ANAPC1: variants seen among roughly 807,000 people sequenced by gnomAD.
ANAPC1 encodes the protein anaphase-promoting complex subunit 1.
ANAPC1 carries 36 observed loss-of-function variants against 208.0 expected under a neutral mutation model. The observed-to-expected ratio is 0.17, with a 90% CI of 0.13 to 0.23. The LOEUF (loss-of-function observed/expected upper bound fraction) is 0.23, where lower values mean the gene tolerates loss of function less well. ANAPC1 is among the 10% of genes least tolerant of loss of function. The probability of loss-of-function intolerance (pLI) is 1.00; values close to 1 mark genes in which losing one functional copy is unlikely to be tolerated. For missense variants in ANAPC1, 942 were observed against 2,011.6 expected, an observed-to-expected ratio of 0.47 and a Z score of 10.17; for synonymous variants, 378 against 695.2, an observed-to-expected ratio of 0.54 and a Z score of 7.18.
At chr2:111,791,336 G>C (rs1385016778) in intron 38 of ANAPC1, among the ~76,000 whole-genome samples, 4 of 149,940 alleles carry the variant, frequency 2.7e-5, no homozygotes, top group African/African-American at 9.9e-5. Context: ...CTGCCCATGA[G>C]TATGTAAAAT....
chr2:111,843,473 A>T lies in ANAPC1; in HGVS notation c.1979T>A (p.Phe660Tyr). 1.2e-6 allele frequency: 2 copies of T among 1,612,026 alleles called. No individual in the cohort carries two copies. Among genetic ancestry groups the T allele is most frequent in the Non-Finnish European group, 1.7e-6 (2 of 1,179,858 alleles). Residue 660 changes from phenylalanine to tyrosine, a missense_variant, in exon 17 of 48, where the codon TTT (phenylalanine) becomes TAT (tyrosine). Physicochemically the swap from Phe to Tyr is conservative, Grantham distance 22. Transcript: ENST00000341068. ...CATCATGTTCATGAGACAAGTCACA[A>T]ATAAATTCCACTCTGAGTGATAACT... The part of the protein sequence containing the change: ...GPSYHSEWNL[F>Y]VTCLMNMMGY...
At chr2:111,830,886 C>G (rs1680092547) in intron 21 of ANAPC1, among the ~76,000 whole-genome samples, 2 of 152,162 alleles carry the variant, frequency 1.3e-5, no homozygotes, top group Admixed American at 6.5e-5. Flanking sequence ...AATCCTACTC[C>G]CAGGTACCTG....
At chr2:111,854,519 C>T (rs998409438) in intron 13 of ANAPC1, among the ~76,000 whole-genome samples, 1 of 152,180 alleles carries the variant, frequency 6.6e-6, no homozygotes, top group African/African-American at 2.4e-5. Flanking sequence ...TTATGAAAGT[C>T]CTAGATGGCA....
At chr2:111,853,818 G>A (rs193061633) in intron 13 of ANAPC1, among the ~76,000 whole-genome samples, 15 of 152,044 alleles carry the variant, frequency 9.9e-5, no homozygotes, top group African/African-American at 2.7e-4. Flanking sequence ...CTGGGTTCAC[G>A]CCAGTCTCCT....
chr2:111,791,575 C>T (rs1677876332), intron 38 of ANAPC1, among the ~76,000 whole-genome samples: 1 of 152,094 alleles, frequency 6.6e-6, no homozygotes, highest in Non-Finnish European at 1.5e-5. Context: ...TAATACAACA[C>T]TGAAACTTGA....
chr2:111,874,101 G>A (rs1283493955), intron 3 of ANAPC1, among the ~76,000 whole-genome samples: 6 of 152,020 alleles, frequency 3.9e-5, no homozygotes, highest in East Asian at 3.8e-4. Context: ...TCTCTAGACT[G>A]ACTTTTGAAA....
At chr2:111,804,223 GCT>G (rs1365409029) in intron 30 of ANAPC1, among the ~76,000 whole-genome samples, 1 of 124,716 alleles carries the variant, frequency 8.0e-6, no homozygotes, top group Non-Finnish European at 1.7e-5. Flanking sequence ...TTAAATGCAT[GCT>G]CTGTGTCAGG....
chr2:111,839,814 G>A (rs1680664149), intron 17 of ANAPC1, among the ~76,000 whole-genome samples: 1 of 152,118 alleles, frequency 6.6e-6, no homozygotes, highest in Admixed American at 6.6e-5. Context: ...AAGGCCTGGA[G>A]TTATGAGAAA....
chr2:111,835,846 A>G (rs1680438784), intron 18 of ANAPC1, among the ~76,000 whole-genome samples: 1 of 152,080 alleles, frequency 6.6e-6, no homozygotes, highest in African/African-American at 2.4e-5. Flanking sequence ...CATCTCAAAA[A>G]TAAAATAAAA....
chr2:111,828,710 G>C (rs1000237420), intron 21 of ANAPC1, among the ~76,000 whole-genome samples: 2 of 152,152 alleles, frequency 1.3e-5, no homozygotes, highest in Non-Finnish European at 2.9e-5. Flanking sequence ...GATAAATATT[G>C]CTTGATTCCC....
intron 16 of ANAPC1, among the ~76,000 whole-genome samples, chr2:111,843,969 G>A (rs1558713223): frequency 2.0e-5 from 3 of 151,700 alleles, no homozygotes; most frequent in South Asian, 4.2e-4. Context: ...GATTACAGGC[G>A]TCTGCCACTG....
chr2:111,810,684 A>C (rs951989360), intron 28 of ANAPC1, among the ~76,000 whole-genome samples: 1 of 147,230 alleles, frequency 6.8e-6, no homozygotes, highest in African/African-American at 2.5e-5. Flanking sequence ...GGAGTTCAAG[A>C]CCAGCCTGGC....
chr2:111,769,676 T>TGAGATCTC (rs67762620), intron 47 of ANAPC1, among the ~76,000 whole-genome samples: 1 of 792 alleles, frequency 1.3e-3, no homozygotes. Context: ...ACCTACTGGC[T>TGAGATCTC]TTCTTTTTTT....
At chr2:111,824,799 G>A (rs1573399586) in intron 24 of ANAPC1, among the ~76,000 whole-genome samples, 167 bp downstream of exon 24, 1 of 152,162 alleles carries the variant, frequency 6.6e-6, no homozygotes, top group Admixed American at 6.5e-5. Flanking sequence ...ATTATTATAT[G>A]AAAGTTGTGA....
In ANAPC1 at chr2:111,847,893, A is replaced by G. The variant is rs371842612; in HGVS notation, c.1651-28T>C. On this transcript the variant is annotated intron_variant, in intron 14 of 47. Transcript: ENST00000341068. ...GTAAAAAGTTGTAAATACGATACAAATGAATTGTTTTCTGAGAAATTAAGG... is the reference window on the plus strand; with the variant it reads ...GTAAAAAGTTGTAAATACGATACAAGTGAATTGTTTTCTGAGAAATTAAGG... 7.8e-5 allele frequency: 118 copies of G among 1,519,622 alleles called. 1 individual carries two copies. Among genetic ancestry groups the G allele is most frequent in the South Asian group, 3.3e-4 (25 of 76,900 alleles). The allele number at this position is 1,519,622 out of a possible 1,614,324, so 94.1% of individuals were successfully genotyped here. A position where few individuals can be genotyped will look rare whatever the true frequency, so the allele number is the denominator to read the frequency against.
intron 16 of ANAPC1, among the ~76,000 whole-genome samples, chr2:111,844,937 C>T (rs1573447559): frequency 6.6e-6 from 1 of 152,238 alleles, no homozygotes; most frequent in Non-Finnish European, 1.5e-5. Flanking sequence ...CCTCCAACTC[C>T]TGGACTCAAG....
intron 46 of ANAPC1, among the ~76,000 whole-genome samples, chr2:111,775,929 C>T (rs1401299579): frequency 6.6e-6 from 1 of 152,266 alleles, no homozygotes; most frequent in Non-Finnish European, 1.5e-5. Flanking sequence ...TACAATGCAG[C>T]TTTTAAATAT....
At chr2:111,851,532 C>T (rs1681395051) in intron 13 of ANAPC1, among the ~76,000 whole-genome samples, 1 of 152,008 alleles carries the variant, frequency 6.6e-6, no homozygotes, top group African/African-American at 2.4e-5. Flanking sequence ...AGCGGCCGGG[C>T]GCGGTGGCTC....
chr2:111,792,199 C>T (rs1200744391), intron 38 of ANAPC1, among the ~76,000 whole-genome samples, 163 bp downstream of exon 38: 4 of 148,018 alleles, frequency 2.7e-5, no homozygotes, highest in African/African-American at 1.0e-4. Context: ...CATAAGTTGA[C>T]GGTTAAACTA....
Sources: gnomAD v4.1 joint callset for allele counts (sites outside exome capture counted in the v4.1 genomes callset) on GRCh38, gnomAD v4.1.1 for gene constraint, MANE v1.5 for transcripts, NCBI Gene and HGNC (gene_info 2026-07-23, HGNC 2026-07-21) for gene names.